NTRK2: variants seen among roughly 807,000 people sequenced by gnomAD.
The protein encoded by NTRK2 is neurotrophic receptor tyrosine kinase 2.
A neutral mutation model predicts 94.5 loss-of-function variants in NTRK2; 13 were observed. That is an observed-to-expected ratio of 0.14 (90% CI 0.09 to 0.22). The LOEUF is 0.22. Ranked by LOEUF, NTRK2 falls within the 10% of genes least tolerant of loss-of-function variation. The pLI, the probability that NTRK2 is intolerant of heterozygous loss-of-function variation, is 1.00. For synonymous variants in NTRK2, 372 were observed against 407.4 expected (o/e 0.91, Z 1.05); for missense variants, 639 against 1,071.2 (o/e 0.60, Z 5.63).
At chr9:84,840,265 C>CTTT (rs1158579395) in intron 12 of NTRK2, among the ~76,000 whole-genome samples, 3 of 101,834 alleles carry the variant, frequency 2.9e-5, no homozygotes, top group Non-Finnish European at 6.1e-5. Flanking sequence ...ATTGACAATT[C>CTTT]TTTTTTTTTT....
In NTRK2 at chr9:84,851,912, G is replaced by A. The variant is rs1257288972; in HGVS notation, c.1397-9128G>A. On this transcript the variant is annotated intron_variant, in intron 12 of 18. Coordinates refer to ENST00000277120, the MANE Select transcript of NTRK2 (RefSeq NM_006180.6). The stretch of plus-strand genomic sequence containing the variant: ...TTTTATATATGTGAATATAAATAAT[G>A]TAAGTATAAATATGAATATAACTAT... Among the ~76,000 whole-genome samples, 14 of 152,184 alleles carry A rather than the reference G, an allele frequency of 9.2e-5. 1 individual carries two copies. Among genetic ancestry groups the A allele is most frequent in the Admixed American group, 9.2e-4 (14 of 15,276 alleles).
At chr9:84,971,159 T>G (rs1481631876) in intron 17 of NTRK2, among the ~76,000 whole-genome samples, 1 of 152,210 alleles carries the variant, frequency 6.6e-6, no homozygotes, top group Non-Finnish European at 1.5e-5. Context: ...TCATTCTTCT[T>G]GATGGAACAG....
Position 84,930,712 on chromosome 9 carries a change from G to A in NTRK2, c.1634-3450G>A, listed in dbSNP as rs1051207714. ...AGGGGTGTCCAGGGGAGCTGAAGGG[G>A]CATAAGCGATCCACATTGGGAGGAT... On this transcript the variant is annotated intron_variant, in intron 14 of 18. Coordinates refer to ENST00000277120, the MANE Select transcript of NTRK2 (RefSeq NM_006180.6). Among the ~76,000 whole-genome samples, 6 of 152,254 alleles carry A rather than the reference G, an allele frequency of 3.9e-5. No individual in the cohort carries two copies. The East Asian group carries it at 1.2e-3, about 29-fold the overall frequency.
At chr9:84,730,783 CA>C in intron 9 of NTRK2, among the ~76,000 whole-genome samples, 342 of 24,124 alleles carry the variant, frequency 0.014, 1 homozygote, top group South Asian at 0.032. Context: ...AAACAAATAG[CA>C]AAAAAAAAAA....
intron 2 of NTRK2, among the ~76,000 whole-genome samples, chr9:84,680,342 C>T (rs34389193): frequency 0.027 from 4,022 of 151,648 alleles, 73 homozygotes; most frequent in Admixed American, 0.044. Flanking sequence ...AATTCCCAAT[C>T]CTTACTTCCT....
chr9:84,955,499 C>T lies in NTRK2; in HGVS notation c.2154C>T (p.Tyr718=), dbSNP rs201245215. 6.2e-7 allele frequency: 1 copy of T among 1,614,068 alleles called. No individual in the cohort carries two copies. The highest frequency in any genetic ancestry group is 1.1e-5 in the South Asian group (1 of 91,078). ...ACTTTGGGATGTCCCGGGACGTGTA[C>T]AGCACTGACTACTACAGGGTGAGTA... is the stretch of plus-strand genomic sequence containing the variant. The part of the protein sequence containing the change: ...IGDFGMSRDV[Y]STDYYRVGGH... The change falls in exon 17 of 19, where the codon TAC becomes TAT. Residue 718 remains tyrosine, a synonymous_variant. Coordinates refer to ENST00000277120, the MANE Select transcript of NTRK2 (RefSeq NM_006180.6).
At chr9:84,792,617 T>C (rs1182269660) in intron 12 of NTRK2, among the ~76,000 whole-genome samples, 2 of 152,230 alleles carry the variant, frequency 1.3e-5, no homozygotes, top group Admixed American at 6.5e-5. Flanking sequence ...GCTAAGACAG[T>C]GGTCAAACGT....
chr9:84,783,825 A>G (rs1382838655), intron 12 of NTRK2, among the ~76,000 whole-genome samples: 1 of 151,930 alleles, frequency 6.6e-6, no homozygotes, highest in Non-Finnish European at 1.5e-5. Flanking sequence ...TTGTGGGGGC[A>G]GGGCATGAAG....
At chr9:84,872,965 A>G (rs1365014152) in intron 14 of NTRK2, 2 of 1,064,666 alleles carry the variant, frequency 1.9e-6, no homozygotes, top group Non-Finnish European at 2.3e-6. Context: ...TTTTCACAGA[A>G]CCGCAGAGGT....
chr9:84,840,682 A>G (rs2074129722), intron 12 of NTRK2, among the ~76,000 whole-genome samples: 1 of 152,130 alleles, frequency 6.6e-6, no homozygotes, highest in African/African-American at 2.4e-5. Flanking sequence ...TTGACTTCCC[A>G]TGCACCATGC....
chr9:84,727,357 A>T (rs1295842224), intron 8 of NTRK2, among the ~76,000 whole-genome samples: 1 of 152,214 alleles, frequency 6.6e-6, no homozygotes, highest in Non-Finnish European at 1.5e-5. Context: ...CCGCTGTCAG[A>T]AATCTCTTGG....
At chr9:84,922,109 A>G (rs1035384346) in intron 14 of NTRK2, among the ~76,000 whole-genome samples, 7 of 152,176 alleles carry the variant, frequency 4.6e-5, no homozygotes, top group Non-Finnish European at 1.0e-4. Context: ...AATAGCAAAT[A>G]TTGGTTCGTT....
intron 8 of NTRK2, among the ~76,000 whole-genome samples, chr9:84,725,843 T>C (rs1003705347): frequency 6.6e-6 from 1 of 152,130 alleles, no homozygotes; most frequent in Non-Finnish European, 1.5e-5. Context: ...AATTTAGTAA[T>C]ATCACATTTC....
At chr9:84,741,279 A>G (rs1024581987) in intron 9 of NTRK2, among the ~76,000 whole-genome samples, 7 of 152,372 alleles carry the variant, frequency 4.6e-5, no homozygotes, top group Middle Eastern at 3.4e-3. Context: ...CCATTTTTTA[A>G]TAACTTCTTA....
At chr9:84,730,423 T>TTC (rs1482481623) in intron 9 of NTRK2, among the ~76,000 whole-genome samples, 1 of 152,082 alleles carries the variant, frequency 6.6e-6, no homozygotes, top group African/African-American at 2.4e-5. Context: ...ATTGCTTCCT[T>TTC]TCTCTATTAA....
intron 5 of NTRK2, among the ~76,000 whole-genome samples, chr9:84,709,045 A>G (rs994423734): frequency 2.0e-5 from 3 of 152,262 alleles, no homozygotes; most frequent in African/African-American, 7.2e-5. Context: ...AGCATATTTA[A>G]TCAATTAATT....
chr9:84,679,296 TCTC>T (rs2059253128), intron 2 of NTRK2, among the ~76,000 whole-genome samples: 1 of 152,190 alleles, frequency 6.6e-6, no homozygotes, highest in Admixed American at 6.5e-5. Flanking sequence ...CTTATCCCCT[TCTC>T]CTCTGTTCCC....
chr9:84,809,038 A>G (rs897464068), intron 12 of NTRK2, among the ~76,000 whole-genome samples: 2 of 152,224 alleles, frequency 1.3e-5, no homozygotes, highest in Non-Finnish European at 2.9e-5. Context: ...ATAAAGATTC[A>G]TGCAAATTAA....
At chr9:84,916,228 G>T (rs1435514624) in intron 14 of NTRK2, among the ~76,000 whole-genome samples, 1 of 151,978 alleles carries the variant, frequency 6.6e-6, no homozygotes, top group Non-Finnish European at 1.5e-5. Context: ...TCCCACCAAG[G>T]GCCAGGGAGG....
Sources: gnomAD v4.1 joint callset for allele counts (sites outside exome capture counted in the v4.1 genomes callset) on GRCh38, gnomAD v4.1.1 for gene constraint, MANE v1.5 for transcripts, NCBI Gene and HGNC (gene_info 2026-07-23, HGNC 2026-07-21) for gene names.